The following SIPA1L1 variants were observed in gnomAD, a reference collection of about 807,000 sequenced individuals.
SIPA1L1 encodes signal-induced proliferation-associated 1-like protein 1.
SIPA1L1 carries 26 observed loss-of-function variants against 162.7 expected under a neutral mutation model. The ratio of observed to expected loss-of-function variants is 0.16; its 90% CI spans 0.12 to 0.22. The LOEUF is 0.22. Ranked by LOEUF, SIPA1L1 falls within the 10% of genes least tolerant of loss-of-function variation. SIPA1L1 has a pLI of 1.00. For synonymous variants in SIPA1L1, 829 were observed against 837.4 expected (o/e 0.99, Z 0.17); for missense variants, 1,874 against 2,241.0 (o/e 0.84, Z 3.31).
intron 2 of SIPA1L1, among the ~76,000 whole-genome samples, chr14:71,335,706 C>G (rs964230481): frequency 3.3e-5 from 5 of 152,184 alleles, no homozygotes; most frequent in African/African-American, 1.2e-4. Flanking sequence ...GCAAAAGGAC[C>G]TCTCTCTACA....
rs576198184 is a variant in SIPA1L1 at position 71,566,946 on chromosome 14, A to G, written c.-302-20625A>G. Among the ~76,000 whole-genome samples, 7 of 152,368 alleles carry G rather than the reference A, an allele frequency of 4.6e-5. No individual in the cohort carries two copies. The South Asian group carries it at 6.2e-4, about 14-fold the overall frequency. ...AATGAAGGGTTAATATCCATAGTAT[A>G]TAAAGGAATTCTACCTTATCAGTAA... On this transcript the variant is annotated intron_variant, in intron 4 of 23. Transcript: ENST00000381232.
At chr14:71,666,899 A>C (rs2044064620) in intron 10 of SIPA1L1, among the ~76,000 whole-genome samples, 1 of 151,462 alleles carries the variant, frequency 6.6e-6, no homozygotes, top group African/African-American at 2.4e-5. Context: ...AAGAATTTGC[A>C]AGCTTCAGCT....
chr14:71,465,903 G>A (rs1302446302), intron 2 of SIPA1L1, among the ~76,000 whole-genome samples: 1 of 152,138 alleles, frequency 6.6e-6, no homozygotes, highest in African/African-American at 2.4e-5. Context: ...ATGTAGGCTG[G>A]GAGGCTAGGC....
At chr14:71,603,253 T>C (rs997660022) in intron 5 of SIPA1L1, among the ~76,000 whole-genome samples, 1 of 152,158 alleles carries the variant, frequency 6.6e-6, no homozygotes, top group African/African-American at 2.4e-5. Context: ...ATGAGTTTCT[T>C]GTGGATATTA....
chr14:71,488,287 T>A (rs914893422), intron 2 of SIPA1L1, among the ~76,000 whole-genome samples: 5 of 152,194 alleles, frequency 3.3e-5, no homozygotes, highest in African/African-American at 1.2e-4. Context: ...TTTACTGAAT[T>A]ACTATTATTT....
chr14:71,695,092 C>T (rs1377677599), intron 13 of SIPA1L1, among the ~76,000 whole-genome samples: 4 of 152,172 alleles, frequency 2.6e-5, no homozygotes, highest in African/African-American at 7.2e-5. Flanking sequence ...AGACAGGCGG[C>T]GGTGGCTTCC....
chr14:71,573,267 A>T (rs1364136567), intron 4 of SIPA1L1, among the ~76,000 whole-genome samples: 1 of 152,256 alleles, frequency 6.6e-6, no homozygotes, highest in Admixed American at 6.5e-5. Context: ...TCTTTGGACA[A>T]TTATTACAGA....
At position 71,589,352 on chromosome 14, in the gene SIPA1L1, A is replaced by G. The variant is rs371555738; in HGVS notation, c.1480A>G (p.Lys494Glu). Reference sequence around the variant, plus strand: ...AGATCTGGGTGCATACTATTATAGAAAATTTTTCTACCAGAAGGGTAAGTA... The same window carrying G: ...AGATCTGGGTGCATACTATTATAGAGAATTTTTCTACCAGAAGGGTAAGTA... ...HVDLGAYYYR[K>E]FFYQKEHWNY... Residue 494 changes from lysine to glutamate, a missense_variant, in exon 5 of 24, where the codon AAA becomes GAA. Physicochemically the swap from Lys to Glu is moderately conservative, Grantham distance 56. Coordinates refer to ENST00000381232, the MANE Select transcript of SIPA1L1 (RefSeq NM_001386936.1). 1.0e-5 allele frequency: 16 copies of G among 1,605,096 alleles called. No homozygotes were observed. The highest frequency in any genetic ancestry group is 1.4e-5 in the Non-Finnish European group (16 of 1,173,484).
chr14:71,365,907 T>TTTTTTTTTG lies in SIPA1L1; in HGVS notation c.-465+44726_-465+44727insTTTTTTTTG, dbSNP rs71105773. On this transcript the variant is annotated intron_variant, in intron 2 of 23. Transcript: ENST00000381232. ...TGCCTGGTTAATTTTTTTTTTTTTT[T>TTTTTTTTTG]AAGAGATGGGGTTTTGCCATCTTGC... 3.9e-4 allele frequency among the ~76,000 whole-genome samples: 54 copies of TTTTTTTTTG among 140,078 alleles called. 2 individuals are homozygous for TTTTTTTTTG. Among genetic ancestry groups the TTTTTTTTTG allele is most frequent in the Admixed American group, 6.6e-4 (9 of 13,644 alleles). The allele number at this position is 140,078 out of a possible 152,430, so 91.9% of individuals were successfully genotyped here.
chr14:71,734,840 T>C (rs942212846), intron 21 of SIPA1L1, among the ~76,000 whole-genome samples: 2 of 152,232 alleles, frequency 1.3e-5, no homozygotes, highest in Admixed American at 6.5e-5. Flanking sequence ...GGAATACAGG[T>C]GGTATGGATT....
At chr14:71,504,097 G>T (rs575779853) in intron 2 of SIPA1L1, among the ~76,000 whole-genome samples, 1 of 151,858 alleles carries the variant, frequency 6.6e-6, no homozygotes, top group Non-Finnish European at 1.5e-5. Flanking sequence ...GAGCCATCGC[G>T]CCCAGTCCTA....
chr14:71,542,019 G>A (rs542808474), intron 4 of SIPA1L1, among the ~76,000 whole-genome samples: 2 of 152,150 alleles, frequency 1.3e-5, no homozygotes, highest in South Asian at 2.1e-4. Context: ...TCAATGGCAC[G>A]ACCATGGATC....
intron 2 of SIPA1L1, among the ~76,000 whole-genome samples, chr14:71,494,496 T>C (rs1372292986): frequency 2.6e-5 from 4 of 151,688 alleles, no homozygotes; most frequent in Non-Finnish European, 5.9e-5. Context: ...TTGGTCATAG[T>C]ATCTAATTGA....
intron 2 of SIPA1L1, among the ~76,000 whole-genome samples, chr14:71,323,888 T>C (rs538836828): frequency 6.6e-6 from 1 of 152,332 alleles, no homozygotes; most frequent in South Asian, 2.1e-4. Context: ...CATGGAGTTA[T>C]GGTACCCTGA....
rs184739021 is a variant in SIPA1L1 at position 71,512,809 on chromosome 14, C to T, written c.-398C>T. 1 of 152,580 alleles carries T rather than the reference C, an allele frequency of 6.6e-6. No homozygotes were observed. Among genetic ancestry groups the T allele is most frequent in the African/African-American group, 2.4e-5 (1 of 41,518 alleles). 9.5% of individuals were successfully genotyped at this position (152,580 alleles called of 1,614,324 possible). ...TTTTAAAGGTCTGATCATCAATTGTCTCTCTGGGCGGCCACCTATGAGACT... is the reference window on the plus strand; with the variant it reads ...TTTTAAAGGTCTGATCATCAATTGTTTCTCTGGGCGGCCACCTATGAGACT... On this transcript the variant is annotated 5_prime_UTR_variant, in exon 3 of 24. Transcript: ENST00000381232.
At chr14:71,466,374 C>G (rs2046994855) in intron 2 of SIPA1L1, among the ~76,000 whole-genome samples, 1 of 152,270 alleles carries the variant, frequency 6.6e-6, no homozygotes, top group African/African-American at 2.4e-5. Flanking sequence ...CGGATTGCAT[C>G]TAAGAGGTGG....
intron 4 of SIPA1L1, among the ~76,000 whole-genome samples, chr14:71,543,862 A>G (rs149960359): frequency 6.9e-6 from 1 of 144,226 alleles, no homozygotes; most frequent in African/African-American, 2.6e-5. Flanking sequence ...ATATACATAT[A>G]TCATACGTAT....
intron 4 of SIPA1L1, 79 bp from the exon 5 acceptor site, chr14:71,587,492 A>G (rs972204504): frequency 2.5e-6 from 1 of 401,604 alleles, no homozygotes; most frequent in South Asian, 1.2e-4. Flanking sequence ...TTTTATCTTC[A>G]TGTGTCTGGT....
intron 7 of SIPA1L1, among the ~76,000 whole-genome samples, chr14:71,630,692 G>C (rs1165185757): frequency 6.6e-6 from 1 of 151,936 alleles, no homozygotes; most frequent in African/African-American, 2.4e-5. Flanking sequence ...TACATTCAGG[G>C]GTTCCATTTC....
Sources: gnomAD v4.1 joint callset for allele counts (sites outside exome capture counted in the v4.1 genomes callset) on GRCh38, gnomAD v4.1.1 for gene constraint, MANE v1.5 for transcripts, NCBI Gene and HGNC (gene_info 2026-07-23, HGNC 2026-07-21) for gene names.